The following STOX2 variants were observed in gnomAD, a reference collection of about 807,000 sequenced individuals.
The protein encoded by STOX2 is storkhead-box protein 2.
Under a neutral mutation model 60.9 loss-of-function variants are expected in STOX2, and 28 were observed. That is an observed-to-expected ratio of 0.46 (90% CI 0.34 to 0.63). The LOEUF (loss-of-function observed/expected upper bound fraction) is 0.63. Among genes scored for constraint, STOX2 ranks in the 30% least tolerant of loss-of-function variants. The pLI is 0.01. For synonymous variants in STOX2, 472 were observed against 463.9 expected, an observed-to-expected ratio of 1.02 and a Z score of -0.22; for missense variants, 1,024 against 1,187.7, an observed-to-expected ratio of 0.86 and a Z score of 2.03.
chr4:183,958,499 A>G (rs1353515060), intron 1 of STOX2, among the ~76,000 whole-genome samples: 1 of 152,146 alleles, frequency 6.6e-6, no homozygotes, highest in Admixed American at 6.5e-5. Context: ...TAATTCAGCT[A>G]CTTCTCATCC....
intron 1 of STOX2, among the ~76,000 whole-genome samples, chr4:183,897,011 T>TC (rs1741352957): frequency 6.6e-6 from 1 of 152,170 alleles, no homozygotes; most frequent in South Asian, 2.1e-4. Flanking sequence ...TCTTGGGTGG[T>TC]CCAGTAGAGA....
At chr4:183,839,609 A>C (rs1252363529) in intron 1 of STOX2, among the ~76,000 whole-genome samples, 1 of 152,198 alleles carries the variant, frequency 6.6e-6, no homozygotes, top group Non-Finnish European at 1.5e-5. Flanking sequence ...AGTTACTGTG[A>C]CTGTGTGCAA....
chr4:183,986,999 G>C (rs765576778), intron 1 of STOX2, among the ~76,000 whole-genome samples: 1 of 152,190 alleles, frequency 6.6e-6, no homozygotes, highest in Non-Finnish European at 1.5e-5. Context: ...CTGGGTTCAT[G>C]AGGATGTGGG....
chr4:183,924,694 G>A (rs1312463798), intron 1 of STOX2, among the ~76,000 whole-genome samples: 1 of 152,134 alleles, frequency 6.6e-6, no homozygotes, highest in Non-Finnish European at 1.5e-5. Context: ...GGATTGTAGG[G>A]CCTAGAGGAA....
rs1734174903 is a variant in STOX2 at position 184,011,539 on chromosome 4, G to A, written c.2585+116G>A. ...TCAGTTCTATGGATGAGGGTTAAGA[G>A]TTGTATGAGTTGTATTGTTAACAAT... On this transcript the variant is annotated intron_variant, in intron 3 of 3. Coordinates refer to ENST00000308497, the MANE Select transcript of STOX2 (RefSeq NM_020225.3). The surrounding 1 kb of genome is among the most constrained non-coding windows in gnomAD (Gnocchi z 4.4). The A allele has an allele frequency of 6.4e-7, 1 of 1,557,990 alleles. No homozygotes were observed. The highest frequency in any genetic ancestry group is 1.9e-5 in the Admixed American group (1 of 51,452).
intron 1 of STOX2, among the ~76,000 whole-genome samples, chr4:183,819,533 T>G (rs1579300059): frequency 8.6e-6 from 1 of 116,388 alleles, no homozygotes; most frequent in Admixed American, 9.9e-5. Context: ...AGGGAGACCG[T>G]GGAAAGAGAG....
chr4:183,982,860 C>T (rs1468258715), intron 1 of STOX2, among the ~76,000 whole-genome samples: 1 of 143,572 alleles, frequency 7.0e-6, no homozygotes, highest in East Asian at 2.1e-4. Flanking sequence ...TAGGCTTTTA[C>T]CTTGCCTCAG....
chr4:184,010,860 G>A lies in STOX2; in HGVS notation c.2022G>A (p.Gly674=). 2 of 1,608,032 alleles carry A rather than the reference G, an allele frequency of 1.2e-6. No individual in the cohort carries two copies. The highest frequency in any genetic ancestry group is 4.5e-5 in the East Asian group (2 of 44,802). The change falls in exon 3 of 4, where the codon GGG becomes GGA. Residue 674 remains glycine, a synonymous_variant. Coordinates refer to ENST00000308497, the MANE Select transcript of STOX2 (RefSeq NM_020225.3). The surrounding 1 kb of genome is among the most constrained non-coding windows in gnomAD (Gnocchi z 4.5). ...GPAASGGVAE[G]IANGRLVQHH... Reference sequence around the variant, plus strand: ...CTGCTTCGGGAGGAGTGGCTGAAGGGATCGCCAACGGACGCCTCGTCCAGC... The same window carrying A: ...CTGCTTCGGGAGGAGTGGCTGAAGGAATCGCCAACGGACGCCTCGTCCAGC...
At chr4:183,975,468 A>G (rs1732412179) in intron 1 of STOX2, among the ~76,000 whole-genome samples, 1 of 152,166 alleles carries the variant, frequency 6.6e-6, no homozygotes, top group Non-Finnish European at 1.5e-5. Context: ...GACATAAATT[A>G]CCATTGTAAG....
chr4:183,853,033 G>A (rs1164508633), intron 1 of STOX2, among the ~76,000 whole-genome samples: 12 of 152,284 alleles, frequency 7.9e-5, no homozygotes, highest in South Asian at 4.1e-4. Context: ...ATAATCGCAC[G>A]CAGGAACTTT....
At chr4:183,866,320 T>C (rs370740415) in intron 1 of STOX2, among the ~76,000 whole-genome samples, 2 of 152,250 alleles carry the variant, frequency 1.3e-5, no homozygotes, top group East Asian at 1.9e-4. Context: ...TCTCTCCCGG[T>C]TTCTCTCACT....
At chr4:183,984,904 A>C (rs918702503) in intron 1 of STOX2, among the ~76,000 whole-genome samples, 1 of 152,194 alleles carries the variant, frequency 6.6e-6, no homozygotes, top group Non-Finnish European at 1.5e-5. Flanking sequence ...TCTTGAGCTC[A>C]TCTTGCCATC....
chr4:183,940,095 G>C (rs1350612266), intron 1 of STOX2, among the ~76,000 whole-genome samples: 1 of 152,134 alleles, frequency 6.6e-6, no homozygotes, highest in African/African-American at 2.4e-5. Context: ...TAGATTCGGG[G>C]TTTCGCCATG....
In STOX2 at chr4:184,017,188, C is replaced by T; in HGVS notation, c.2685C>T (p.Ala895=). The T allele has an allele frequency of 6.2e-7, 1 of 1,613,116 alleles. No individual in the cohort carries two copies. Among genetic ancestry groups the T allele is most frequent in the Non-Finnish European group, 8.5e-7 (1 of 1,179,334 alleles). The change falls in exon 4 of 4, where the codon GCC becomes GCT. Residue 895 remains alanine, a synonymous_variant. Coordinates refer to ENST00000308497, the MANE Select transcript of STOX2 (RefSeq NM_020225.3). ...CGGCCCATGGTGGAGCTGGTCCAGCCTTCAACTTCCGAGCGAGCGCGGAGC... is the reference window on the plus strand; with the variant it reads ...CGGCCCATGGTGGAGCTGGTCCAGCTTTCAACTTCCGAGCGAGCGCGGAGC... ...LSPAHGGAGP[A]FNFRASAEPP...
At position 183,806,488 on chromosome 4, in the gene STOX2, A is replaced by T. The variant is rs11722400; in HGVS notation, c.364+8433A>T. On this transcript the variant is annotated intron_variant, in intron 1 of 2. Transcript: ENST00000513034. This position sits in a 1 kb window ranked among gnomAD's most constrained non-coding sequence, Gnocchi z 4.1. ...GGGCGCCCCATCTTCCTGCCGCCTG[A>T]GGTTGCTGCAGCCTTCTGTCTTCAC... 6.6e-6 allele frequency among the ~76,000 whole-genome samples: 1 copy of T among 151,832 alleles called. No homozygotes were observed. The highest frequency in any genetic ancestry group is 1.5e-5 in the Non-Finnish European group (1 of 67,974).
intron 1 of STOX2, among the ~76,000 whole-genome samples, chr4:183,943,046 A>C (rs1209217495): frequency 6.6e-6 from 1 of 152,234 alleles, no homozygotes; most frequent in Non-Finnish European, 1.5e-5. Context: ...GAATGGCAAT[A>C]GAAAAGAAAC....
chr4:183,852,416 G>A (rs373589251), intron 1 of STOX2, among the ~76,000 whole-genome samples: 14 of 59,956 alleles, frequency 2.3e-4, no homozygotes, highest in South Asian at 8.7e-4. Context: ...AAAGGATGAG[G>A]GAAAGGATGA....
intron 1 of STOX2, among the ~76,000 whole-genome samples, chr4:184,000,949 A>T (rs1183298555): frequency 6.6e-6 from 1 of 152,256 alleles, no homozygotes; most frequent in Non-Finnish European, 1.5e-5. Context: ...TGAATGAATC[A>T]TCAAGTTACA....
At chr4:183,911,650 C>T (rs999673534) in intron 1 of STOX2, among the ~76,000 whole-genome samples, 1 of 152,072 alleles carries the variant, frequency 6.6e-6, no homozygotes, top group Non-Finnish European at 1.5e-5. Context: ...GTATAAAAAC[C>T]TTAGCACTTC....
Sources: allele counts gnomAD v4.1 joint callset (sites outside exome capture counted in the v4.1 genomes callset), GRCh38; gene constraint gnomAD v4.1.1; non-coding constraint Gnocchi (gnomAD v3.1); transcripts MANE v1.5; gene names NCBI Gene and HGNC (gene_info 2026-07-23, HGNC 2026-07-21).